Variants in INTS1 observed in about 807,000 individuals in gnomAD.
INTS1 encodes the protein integrator complex subunit 1.
Under a neutral mutation model 241.6 loss-of-function variants are expected in INTS1, and 137 were observed. That is an observed-to-expected ratio of 0.57 (90% CI 0.49 to 0.65). INTS1 has a LOEUF of 0.65. INTS1 is among the 30% of genes least tolerant of loss of function. INTS1 has a pLI of 0.00. For synonymous variants in INTS1, 1,692 were observed against 1,337.8 expected, an observed-to-expected ratio of 1.26 and a Z score of -5.78; for missense variants, 3,073 against 3,032.2, an observed-to-expected ratio of 1.01 and a Z score of -0.32.
In INTS1 at chr7:1,499,900, G is replaced by T. The variant is rs764575563; in HGVS notation, c.668C>A (p.Pro223His). 2.5e-6 allele frequency: 4 copies of T among 1,612,880 alleles called. No individual in the cohort carries two copies. In the African/African-American group the frequency reaches 5.3e-5, roughly 22 times the overall value. Residue 223 changes from proline to histidine, a missense_variant, in exon 5 of 48, where the codon CCC (proline) becomes CAC (histidine). Physicochemically the swap from Pro to His is moderately conservative, Grantham distance 77 (BLOSUM62 -2). Transcript: ENST00000404767. ...GACGCTCACCTTGACAAAGATCTCG[G>T]GCCAGTTCTCGTCCTCCTCGTAGGC... ...MAAYEEDENWPEIFVKVYIED... is the reference protein window; with the variant it reads ...MAAYEEDENWHEIFVKVYIED...
intron 26 of INTS1, chr7:1,483,419 C>T (rs1379477863): frequency 5.4e-5 from 23 of 428,984 alleles, no homozygotes; most frequent in South Asian, 4.3e-4. Context: ...CCGAGTTTGC[C>T]GCCTCCCAGG....
chr7:1,494,171 T>G (rs1022486418), intron 14 of INTS1, among the ~76,000 whole-genome samples: 11 of 152,156 alleles, frequency 7.2e-5, no homozygotes, highest in African/African-American at 2.4e-4. Flanking sequence ...CAGTCACTGG[T>G]TCCTACAACC....
At chr7:1,476,175 A>AC (rs372967839) in intron 38 of INTS1, 54 bp downstream of exon 38, 1 of 1,528,708 alleles carries the variant, frequency 6.5e-7, no homozygotes, top group African/African-American at 1.4e-5. Context: ...CTGGGCCTCG[A>AC]CCCCCTCCAT....
In INTS1 at chr7:1,499,589, C is replaced by T. The variant is rs968187154; in HGVS notation, c.728G>A (p.Ser243Asn). The change falls in exon 6 of 48, where the codon AGC becomes AAC. Residue 243 changes from serine (S) to asparagine (N), a missense_variant. Transcript: ENST00000404767. ...GTCCACAAACGTCTTACAGTGAGGGCTGTCCACCCAGATCCGCTCCCCCAG... is the reference window on the plus strand; with the variant it reads ...GTCCACAAACGTCTTACAGTGAGGGTTGTCCACCCAGATCCGCTCCCCCAG... ...DSLGERIWVDSPHCKTFVDNI... is the reference protein window; with the variant it reads ...DSLGERIWVDNPHCKTFVDNI... The T allele has an allele frequency of 8.7e-6, 14 of 1,613,432 alleles. No homozygotes were observed. The highest frequency in any genetic ancestry group is 1.2e-5 in the Non-Finnish European group (14 of 1,179,646).
rs1387351972 is a variant in INTS1, at chr7:1,478,781, C to G, written c.4434G>C (p.Arg1478=). The change falls in exon 32 of 48, where the codon CGG becomes CGC. Residue 1478 remains arginine, a synonymous_variant. Transcript: ENST00000404767. ...DSPGVEGGPL[R]AQLRMLASQA... is the part of the protein sequence containing the mutation. ...GGCTGGCAAGCATCCTGAGCTGTGCCCGCAGGGGCCCGCCCTCCACGCCAG... is the reference window on the plus strand; with the variant it reads ...GGCTGGCAAGCATCCTGAGCTGTGCGCGCAGGGGCCCGCCCTCCACGCCAG... 8.7e-6 allele frequency: 14 copies of G among 1,602,876 alleles called. No homozygotes were observed. Among genetic ancestry groups the G allele is most frequent in the Non-Finnish European group, 1.2e-5 (14 of 1,175,858 alleles).
At chr7:1,484,351 G>A (rs557282464) in intron 24 of INTS1, among the ~76,000 whole-genome samples, 181 bp from the exon 25 acceptor site, 176 of 152,294 alleles carry the variant, frequency 1.2e-3, no homozygotes, top group African/African-American at 4.0e-3. Context: ...GACTCTCCAG[G>A]GGGGAGGGAG....
At position 1,498,563 on chromosome 7, in the gene INTS1, G is replaced by A; in HGVS notation, c.1284-10C>T. ...CGCGCTCAGCAGCTCCCTGGGTGAG[G>A]TGAGGGTACAGACCCTGTCCCCGCT... On this transcript the variant is annotated splice_polypyrimidine_tract_variant and intron_variant, in intron 9 of 47. Transcript: ENST00000404767. 3.1e-6 allele frequency: 5 copies of A among 1,613,362 alleles called. No homozygotes were observed. Among genetic ancestry groups the A allele is most frequent in the Non-Finnish European group, 4.2e-6 (5 of 1,179,824 alleles).
At chr7:1,496,132 G>T in intron 12 of INTS1, 24 bp downstream of exon 12, 1 of 1,593,616 alleles carries the variant, frequency 6.3e-7, no homozygotes, top group Non-Finnish European at 8.6e-7. Context: ...ACCAAGCAGG[G>T]CCAGGCCACC....
intron 24 of INTS1, among the ~76,000 whole-genome samples, chr7:1,484,675 G>A (rs1016570164): frequency 2.0e-5 from 3 of 152,348 alleles, no homozygotes; most frequent in South Asian, 2.1e-4. Flanking sequence ...GCGTCGGGGA[G>A]AAGGCTGATG....
chr7:1,476,045 A>T lies in INTS1; in HGVS notation c.5405T>A (p.Leu1802His), dbSNP rs1486884990. Residue 1802 changes from leucine (L) to histidine (H), a missense_variant, in exon 39 of 48, where the codon CTT becomes CAT. Leu to His is a moderately conservative substitution (Grantham distance 99, BLOSUM62 -3). Transcript: ENST00000404767. ...DSVLGRRCRD[L>H]LLQLYLQRPE... ...CCGCTGTAGGTAGAGCTGCAGGAGA[A>T]GGTCTCGGCAGCGCCTGCCCAGCAC... 1.3e-6 allele frequency: 2 copies of T among 1,544,866 alleles called. No homozygotes were observed. Among genetic ancestry groups the T allele is most frequent in the African/African-American group, 1.4e-5 (1 of 73,006 alleles).
In INTS1 at chr7:1,498,816, A is replaced by T; in HGVS notation, c.1174T>A (p.Cys392Ser). Residue 392 changes from cysteine to serine, a missense_variant, in exon 9 of 48, where the codon TGC becomes AGC. Coordinates refer to ENST00000404767, the MANE Select transcript of INTS1 (RefSeq NM_001080453.3). ...RPAQDLLMSV[C>S]MNCNTHGSED... ...GAACCGTGCGTGTTGCAGTTCATGC[A>T]GACGGACATCAGCAGGTCCTGGGCC... 6.2e-7 allele frequency: 1 copy of T among 1,606,174 alleles called. No individual in the cohort carries two copies. The highest frequency in any genetic ancestry group is 2.2e-5 in the East Asian group (1 of 44,588).
intron 47 of INTS1, 68 bp downstream of exon 47, chr7:1,470,778 C>T (rs768059275): frequency 2.4e-5 from 35 of 1,475,626 alleles, no homozygotes; most frequent in Non-Finnish European, 2.6e-5. Flanking sequence ...CAAGAGCCAG[C>T]CCTCGGGGGA....
At chr7:1,502,574 T>C (rs974069132) in intron 3 of INTS1, among the ~76,000 whole-genome samples, 1 of 152,124 alleles carries the variant, frequency 6.6e-6, no homozygotes, top group Admixed American at 6.5e-5. Flanking sequence ...AACAGACACC[T>C]GGGGTGTCGT....
intron 22 of INTS1, 161 bp from the exon 23 acceptor site, chr7:1,485,630 G>A (rs1026482902): frequency 1.4e-6 from 1 of 698,200 alleles, no homozygotes; most frequent in Admixed American, 3.0e-5. Context: ...ACGAGACTGA[G>A]CTCTTTCTGT....
chr7:1,490,526 C>A (rs1014933753), intron 16 of INTS1, among the ~76,000 whole-genome samples: 2 of 152,154 alleles, frequency 1.3e-5, no homozygotes, highest in Non-Finnish European at 2.9e-5. Flanking sequence ...TAAACGGGAA[C>A]CCTTGAAAGG....
Position 1,497,160 on chromosome 7 carries a change from T to TGC in INTS1, c.1578_1579dup (p.Gln527ArgfsTer24). On this transcript the variant is annotated frameshift_variant, in exon 11 of 48. Transcript: ENST00000404767. LOFTEE classifies it high-confidence loss of function. This position sits in a 1 kb window ranked among gnomAD's most constrained non-coding sequence, Gnocchi z 5.3. The stretch of plus-strand genomic sequence containing the variant: ...CACCTTGAACTCCATCTCCAGGTAC[T>TGC]GCGGCTCCTTGCGCTCCTGCATGAG... The TGC allele has an allele frequency of 6.2e-7, 1 of 1,608,066 alleles. No homozygotes were observed. The highest frequency in any genetic ancestry group is 8.5e-7 in the Non-Finnish European group (1 of 1,178,034).
At chr7:1,494,626 G>A in intron 14 of INTS1, 190 bp downstream of exon 14, 6 of 648,308 alleles carry the variant, frequency 9.3e-6, no homozygotes, top group Middle Eastern at 8.3e-4. Flanking sequence ...AATCCCTACA[G>A]TGGCGCTGGG....
intron 36 of INTS1, 25 bp from the exon 37 acceptor site, chr7:1,476,682 G>A (rs745982911): frequency 5.6e-6 from 9 of 1,612,204 alleles, no homozygotes; most frequent in Middle Eastern, 1.6e-4. Flanking sequence ...AGGTTCCAGA[G>A]CACGAGGTGT....
Position 1,503,987 on chromosome 7 carries a change from C to T in INTS1, c.-27G>A, listed in dbSNP as rs758788603. 3.0e-5 allele frequency: 46 copies of T among 1,530,794 alleles called. No homozygotes were observed. The highest frequency in any genetic ancestry group is 9.7e-5 in the South Asian group (8 of 82,708). 94.8% of individuals were successfully genotyped at this position (1,530,794 alleles called of 1,614,324 possible). On this transcript the variant is annotated 5_prime_UTR_variant, in exon 2 of 48. Transcript: ENST00000404767. ...CTGCCCCGTCCCTCGCGGCTCCCGG[C>T]GGCTGCGGCGTCACCTGCGGAGGAG...
Sources: gnomAD v4.1 joint callset for allele counts (sites outside exome capture counted in the v4.1 genomes callset) on GRCh38, gnomAD v4.1.1 for gene constraint, Gnocchi (gnomAD v3.1) non-coding constraint, MANE v1.5 for transcripts, NCBI Gene and HGNC (gene_info 2026-07-23, HGNC 2026-07-21) for gene names.